The following PHLPP1 variants were observed in gnomAD, a reference collection of about 807,000 sequenced individuals.
The protein encoded by PHLPP1 is PH domain and leucine rich repeat protein phosphatase 1.
In PHLPP1, 42 loss-of-function variants were observed where a neutral mutation model predicts 117.2. The observed-to-expected ratio is 0.36, with a 90% CI of 0.28 to 0.46. The LOEUF is 0.46. Among genes scored for constraint, PHLPP1 ranks in the 20% least tolerant of loss-of-function variants. The pLI, the probability that PHLPP1 is intolerant of heterozygous loss-of-function variation, is 1.00. For missense variants in PHLPP1, 2,084 were observed against 2,241.9 expected (o/e 0.93, Z 1.42); for synonymous variants, 1,042 against 970.7 (o/e 1.07, Z -1.37).
chr18:62,744,853 C>T (rs1599022667), intron 1 of PHLPP1, among the ~76,000 whole-genome samples: 1 of 152,156 alleles, frequency 6.6e-6, no homozygotes, highest in East Asian at 1.9e-4. Context: ...ACATTAGTCA[C>T]ATGTAAATCA....
chr18:62,957,679 T>C (rs1317124270), intron 12 of PHLPP1, among the ~76,000 whole-genome samples: 2 of 152,052 alleles, frequency 1.3e-5, no homozygotes, highest in African/African-American at 4.8e-5. Flanking sequence ...CAGAATGCAG[T>C]GGTGTGGTCT....
At chr18:62,865,663 A>G (rs2070617734) in intron 4 of PHLPP1, among the ~76,000 whole-genome samples, 1 of 152,238 alleles carries the variant, frequency 6.6e-6, no homozygotes, top group African/African-American at 2.4e-5. Flanking sequence ...GGCTGGATAA[A>G]GAAATGTGGT....
At chr18:62,966,790 G>A (rs983435121) in intron 14 of PHLPP1, among the ~76,000 whole-genome samples, 6 of 152,152 alleles carry the variant, frequency 3.9e-5, no homozygotes, top group African/African-American at 1.4e-4. Context: ...TTTGGTAAAA[G>A]AATATCATCA....
At chr18:62,818,430 G>A (rs1914354636) in intron 1 of PHLPP1, among the ~76,000 whole-genome samples, 1 of 152,114 alleles carries the variant, frequency 6.6e-6, no homozygotes, top group South Asian at 2.1e-4. Context: ...GGGAGGCTGA[G>A]GCAGGGAGAA....
chr18:62,889,884 A>G (rs1297967279), intron 4 of PHLPP1, among the ~76,000 whole-genome samples: 2 of 152,154 alleles, frequency 1.3e-5, no homozygotes, highest in African/African-American at 4.8e-5. Context: ...TCTTTTTTGT[A>G]CTCAGTCTTT....
chr18:62,766,103 A>ATATATATATATATATAT (rs1491171718), intron 1 of PHLPP1, among the ~76,000 whole-genome samples: 3 of 53,368 alleles, frequency 5.6e-5, no homozygotes, highest in Non-Finnish European at 1.2e-4. Flanking sequence ...ATATATATAT[A>ATATATATATATATATAT]AAATATATAT....
intron 10 of PHLPP1, among the ~76,000 whole-genome samples, chr18:62,940,395 C>T (rs141697119): frequency 0.034 from 3,303 of 98,086 alleles, 176 homozygotes; most frequent in African/African-American, 0.12. Context: ...GATGGAATCT[C>T]GCTCTGTCGC....
intron 7 of PHLPP1, among the ~76,000 whole-genome samples, chr18:62,903,902 G>C (rs190138353): frequency 1.3e-5 from 2 of 152,256 alleles, no homozygotes; most frequent in Non-Finnish European, 2.9e-5. Flanking sequence ...GAAAATCAGG[G>C]CAGTTCCAAA....
intron 14 of PHLPP1, among the ~76,000 whole-genome samples, chr18:62,965,469 T>G (rs1010572167): frequency 1.4e-5 from 2 of 147,176 alleles, no homozygotes; most frequent in Non-Finnish European, 3.0e-5. Context: ...TTTTTTTTTT[T>G]TTTTTTTGAG....
intron 10 of PHLPP1, among the ~76,000 whole-genome samples, chr18:62,921,173 G>A (rs1470453941): frequency 6.6e-6 from 1 of 152,174 alleles, no homozygotes; most frequent in African/African-American, 2.4e-5. Context: ...TTCATAACCT[G>A]AGTTATTTTG....
rs140929204 is a variant in PHLPP1, at chr18:62,798,659, A to G, written c.1577-31376A>G. Among the ~76,000 whole-genome samples, 856 of 152,232 alleles carry G rather than the reference A, an allele frequency of 5.6e-3. 4 individuals are homozygous for G. Among genetic ancestry groups the G allele is most frequent in the Non-Finnish European group, 0.01 (686 of 68,004 alleles). On this transcript the variant is annotated intron_variant, in intron 1 of 16. Transcript: ENST00000262719. Reference sequence around the variant, plus strand: ...AACTCTAGCAAAACTCCTATGCAAAAATGAACCTTTCCCTCTTGTTTTTTA... The same window carrying G: ...AACTCTAGCAAAACTCCTATGCAAAGATGAACCTTTCCCTCTTGTTTTTTA...
At chr18:62,933,342 T>C (rs770613760) in intron 10 of PHLPP1, among the ~76,000 whole-genome samples, 9 of 152,132 alleles carry the variant, frequency 5.9e-5, no homozygotes, top group Non-Finnish European at 1.2e-4. Flanking sequence ...AGGCATCACA[T>C]TACCTGACTT....
At chr18:62,970,243 G>A (rs923141922) in intron 14 of PHLPP1, among the ~76,000 whole-genome samples, 6 of 152,044 alleles carry the variant, frequency 3.9e-5, no homozygotes, top group Non-Finnish European at 7.4e-5. Context: ...TCCTTCTCCT[G>A]TCCTGGCCTT....
At chr18:62,838,261 G>T (rs910226357) in intron 2 of PHLPP1, 3 of 152,156 alleles carry the variant, frequency 2.0e-5, no homozygotes, top group African/African-American at 7.2e-5. Context: ...TACTTTTGGT[G>T]TGTATTTTTC....
intron 12 of PHLPP1, among the ~76,000 whole-genome samples, chr18:62,946,937 C>T (rs1055997853): frequency 6.6e-6 from 1 of 152,116 alleles, no homozygotes; most frequent in Non-Finnish European, 1.5e-5. Context: ...CCTGTAGTCC[C>T]AGCTACTCGG....
At chr18:62,762,777 A>G in intron 1 of PHLPP1, among the ~76,000 whole-genome samples, 1 of 152,340 alleles carries the variant, frequency 6.6e-6, no homozygotes, top group South Asian at 2.1e-4. Context: ...TTTAAAAATT[A>G]GAACAATTCT....
At chr18:62,824,542 T>C (rs1198774450) in intron 1 of PHLPP1, among the ~76,000 whole-genome samples, 1 of 152,176 alleles carries the variant, frequency 6.6e-6, no homozygotes, top group Non-Finnish European at 1.5e-5. Context: ...GTGATCAATA[T>C]ACTTATTTTC....
chr18:62,870,283 G>A (rs1352735403), intron 4 of PHLPP1, among the ~76,000 whole-genome samples: 1 of 152,090 alleles, frequency 6.6e-6, no homozygotes, highest in Admixed American at 6.5e-5. Context: ...TAAGATTCCA[G>A]AGTAATAAGT....
rs1173812516 is a variant in PHLPP1 at position 62,978,047 on chromosome 18, C to T, written c.3985-215C>T. On this transcript the variant is annotated intron_variant, in intron 16 of 16. Transcript: ENST00000262719. This position sits in a 1 kb window ranked among gnomAD's most constrained non-coding sequence, Gnocchi z 7.0. Reference sequence around the variant, plus strand: ...CCGAAATCTTTTCCTTTTGTCCCTACTGCTCCTTACCTGCCCAGGCCTACT... The same window carrying T: ...CCGAAATCTTTTCCTTTTGTCCCTATTGCTCCTTACCTGCCCAGGCCTACT... 6.6e-6 allele frequency among the ~76,000 whole-genome samples: 1 copy of T among 152,178 alleles called. No homozygotes were observed. The highest frequency in any genetic ancestry group is 2.4e-5 in the African/African-American group (1 of 41,436).
Sources: gnomAD v4.1 joint callset for allele counts (sites outside exome capture counted in the v4.1 genomes callset) on GRCh38, gnomAD v4.1.1 for gene constraint, Gnocchi (gnomAD v3.1) non-coding constraint, MANE v1.5 for transcripts, NCBI Gene and HGNC (gene_info 2026-07-23, HGNC 2026-07-21) for gene names.